Variants in DNAH6 observed in about 807,000 individuals in gnomAD.
DNAH6 encodes axonemal beta dynein heavy chain 6.
DNAH6 carries 340 observed loss-of-function variants against 491.4 expected under a neutral mutation model. The ratio of observed to expected loss-of-function variants is 0.69; its 90% CI spans 0.63 to 0.76. The LOEUF (loss-of-function observed/expected upper bound fraction) is 0.76. DNAH6 is among the 30% of genes least tolerant of loss of function. The pLI is 0.00. For synonymous variants in DNAH6, 1,603 were observed against 1,686.1 expected, an observed-to-expected ratio of 0.95 and a Z score of 1.21; for missense variants, 4,443 against 4,972.2, an observed-to-expected ratio of 0.89 and a Z score of 3.20.
At chr2:84,639,356 T>C (rs1472981075) in intron 31 of DNAH6, among the ~76,000 whole-genome samples, 2 of 152,098 alleles carry the variant, frequency 1.3e-5, no homozygotes, top group Non-Finnish European at 2.9e-5. Context: ...GAAAGTCTAG[T>C]CTTCTGAGTG....
intron 11 of DNAH6, among the ~76,000 whole-genome samples, chr2:84,570,904 A>G (rs1209592326): frequency 6.6e-6 from 1 of 152,122 alleles, no homozygotes; most frequent in East Asian, 1.9e-4. Flanking sequence ...CGGCTTCACT[A>G]ATGAAGTCAG....
chr2:84,609,489 G>A (rs1686103150), intron 21 of DNAH6, among the ~76,000 whole-genome samples: 2 of 151,952 alleles, frequency 1.3e-5, no homozygotes, highest in African/African-American at 2.4e-5. Flanking sequence ...AATAACAGGG[G>A]GCACGGAGGA....
At chr2:84,474,747 C>G in the DNAH6 span, among the ~76,000 whole-genome samples, 1 of 152,186 alleles carries the variant, frequency 6.6e-6, no homozygotes, top group Admixed American at 6.5e-5. Flanking sequence ...TGAGGCAGCT[C>G]CTACTCCAGC....
intron 4 of DNAH6, among the ~76,000 whole-genome samples, chr2:84,541,397 G>T (rs1214031759): frequency 6.6e-6 from 1 of 152,140 alleles, no homozygotes; most frequent in Non-Finnish European, 1.5e-5. Flanking sequence ...AAGTCCTGTT[G>T]ATCTTTGGAA....
At chr2:84,508,796 C>T in the DNAH6 span, among the ~76,000 whole-genome samples, 4 of 152,118 alleles carry the variant, frequency 2.6e-5, no homozygotes, top group Non-Finnish European at 5.9e-5. Context: ...CAAACAACAT[C>T]TTTATTTCTG....
intron 10 of DNAH6, among the ~76,000 whole-genome samples, chr2:84,553,591 T>C (rs1200392336): frequency 2.7e-5 from 4 of 150,176 alleles, no homozygotes; most frequent in Admixed American, 1.3e-4. Flanking sequence ...GCCTCCTGAG[T>C]AGCTGGGACT....
intron 63 of DNAH6, among the ~76,000 whole-genome samples, chr2:84,760,953 CAGTCTCACTACT>C (rs1674520724): frequency 6.6e-6 from 1 of 152,094 alleles, no homozygotes; most frequent in African/African-American, 2.4e-5. Flanking sequence ...TTTGATCCAG[CAGTCTCACTACT>C]AGGTATCTAC....
At chr2:84,713,594 C>T (rs1048855905) in intron 57 of DNAH6, among the ~76,000 whole-genome samples, 1 of 152,258 alleles carries the variant, frequency 6.6e-6, no homozygotes. Flanking sequence ...CATAGGGCAT[C>T]CCCCTTTTAA....
chr2:84,797,497 CT>C (rs1678468459), intron 69 of DNAH6, 39 bp from the exon 70 acceptor site: 1 of 1,535,316 alleles, frequency 6.5e-7, no homozygotes, highest in African/African-American at 1.4e-5. Context: ...CAAAGCCAGT[CT>C]ATTTGAGACA....
chr2:84,584,900 C>T (rs567662905), intron 15 of DNAH6: 9 of 152,220 alleles, frequency 5.9e-5, no homozygotes, highest in South Asian at 2.1e-4. Flanking sequence ...AGAAAATTCC[C>T]ATTTAGAAAG....
At chr2:84,726,139 C>T (rs764965717) in intron 60 of DNAH6, among the ~76,000 whole-genome samples, 52 of 152,188 alleles carry the variant, frequency 3.4e-4, no homozygotes, top group Non-Finnish European at 5.9e-4. Context: ...GCACAGCCTC[C>T]GCACAGTATT....
chr2:84,577,057 GTTTC>G lies in DNAH6; in HGVS notation c.1925-196_1925-193del, dbSNP rs1682516871. Among the ~76,000 whole-genome samples the G allele has an allele frequency of 1.3e-5, 2 of 152,028 alleles. 1 individual carries two copies. Among genetic ancestry groups the G allele is most frequent in the South Asian group, 4.1e-4 (2 of 4,834 alleles). On this transcript the variant is annotated intron_variant, in intron 12 of 76. Coordinates refer to ENST00000389394, the MANE Select transcript of DNAH6 (RefSeq NM_001370.2). ...GACATATTTACATTATAAAATATTA[GTTTC>G]TTTATCACAAGAATAAAATCCTATA...
At chr2:84,673,798 G>T (rs77613055) in intron 40 of DNAH6, among the ~76,000 whole-genome samples, 5,736 of 152,320 alleles carry the variant, frequency 0.038, 167 homozygotes, top group Middle Eastern at 0.085. Context: ...ATGGGCAGCT[G>T]ATTAGATTGT....
intron 37 of DNAH6, among the ~76,000 whole-genome samples, chr2:84,662,967 G>A (rs1341995749): frequency 6.6e-6 from 1 of 152,178 alleles, no homozygotes; most frequent in Non-Finnish European, 1.5e-5. Flanking sequence ...GTGATACCCA[G>A]GCAAACAGGG....
At chr2:84,648,012 T>G (rs1175500467) in intron 33 of DNAH6, among the ~76,000 whole-genome samples, 1 of 152,214 alleles carries the variant, frequency 6.6e-6, no homozygotes, top group African/African-American at 2.4e-5. Flanking sequence ...GATTCTAATG[T>G]TAGTTCTGTT....
chr2:84,499,891 T>G, the DNAH6 span, among the ~76,000 whole-genome samples: 2 of 152,088 alleles, frequency 1.3e-5, no homozygotes, highest in African/African-American at 4.8e-5. Context: ...TTATTAGTTT[T>G]TTTTTTTTTC....
At chr2:84,783,018 C>G (rs1676837172) in intron 65 of DNAH6, among the ~76,000 whole-genome samples, 1 of 152,148 alleles carries the variant, frequency 6.6e-6, no homozygotes, top group African/African-American at 2.4e-5. Context: ...AAAAAATCCT[C>G]TTATGGCCCT....
At chr2:84,714,298 A>G (rs915461323) in intron 57 of DNAH6, among the ~76,000 whole-genome samples, 1 of 152,224 alleles carries the variant, frequency 6.6e-6, no homozygotes, top group African/African-American at 2.4e-5. Flanking sequence ...AAATTGACAC[A>G]CTTCTTGAAT....
chr2:84,780,659 G>A (rs1676597728), intron 64 of DNAH6, among the ~76,000 whole-genome samples: 1 of 152,108 alleles, frequency 6.6e-6, no homozygotes, highest in Non-Finnish European at 1.5e-5. Context: ...TAGATACATT[G>A]CAATCTTTTA....
Sources: gnomAD v4.1 joint callset for allele counts (sites outside exome capture counted in the v4.1 genomes callset) on GRCh38, gnomAD v4.1.1 for gene constraint, MANE v1.5 for transcripts, NCBI Gene and HGNC (gene_info 2026-07-23, HGNC 2026-07-21) for gene names.